Variants in AGMO observed in about 807,000 individuals in gnomAD.
AGMO encodes the protein alkylglycerol monooxygenase.
AGMO carries 75 observed loss-of-function variants against 60.2 expected under a neutral mutation model. The observed-to-expected ratio is 1.25, with a 90% CI of 1.03 to 1.51. AGMO has a LOEUF of 1.51. AGMO is among the 40% of genes most tolerant of loss of function. AGMO has a pLI of 0.00. For missense variants in AGMO, 763 were observed against 525.5 expected (o/e 1.45, Z -4.42); for synonymous variants, 261 against 177.1 (o/e 1.47, Z -3.76).
At chr7:15,267,604 T>C (rs1474225276) in intron 12 of AGMO, among the ~76,000 whole-genome samples, 6 of 152,018 alleles carry the variant, frequency 3.9e-5, no homozygotes, top group Non-Finnish European at 8.8e-5. Context: ...ACATCCATCT[T>C]TCCTTTGTGG....
At chr7:15,156,939 T>G in the AGMO span, among the ~76,000 whole-genome samples, 1 of 152,136 alleles carries the variant, frequency 6.6e-6, no homozygotes, top group Admixed American at 6.5e-5. Flanking sequence ...TCAAAGTTTC[T>G]ACTACAAAGT....
intron 12 of AGMO, among the ~76,000 whole-genome samples, chr7:15,292,794 G>A (rs781351593): frequency 1.0e-5 from 1 of 99,258 alleles, no homozygotes; most frequent in Non-Finnish European, 1.8e-5. Flanking sequence ...TCTCACTCTT[G>A]TCTCCCAAGC....
intron 3 of AGMO, among the ~76,000 whole-genome samples, chr7:15,458,914 C>T (rs1052117981): frequency 1.3e-5 from 2 of 152,152 alleles, no homozygotes; most frequent in African/African-American, 4.8e-5. Context: ...CTTCAGCTTA[C>T]ATTAGTTATT....
chr7:15,442,709 G>A (rs12699718), intron 3 of AGMO, among the ~76,000 whole-genome samples: 54,593 of 151,830 alleles, frequency 0.36, 11,133 homozygotes, highest in Non-Finnish European at 0.48. Context: ...AGACCTAGGT[G>A]AGGACAGGCA....
the AGMO span, among the ~76,000 whole-genome samples, chr7:15,187,763 G>A: frequency 6.6e-6 from 1 of 152,112 alleles, no homozygotes; most frequent in Non-Finnish European, 1.5e-5. Context: ...CACCATGCAA[G>A]TAGAGGGGAG....
chr7:15,135,157 TGAG>T, the AGMO span, among the ~76,000 whole-genome samples: 1 of 82,952 alleles, frequency 1.2e-5, no homozygotes. Context: ...TTTATTTATA[TGAG>T]TTTGTGTGTG....
At chr7:15,289,467 A>C (rs1379650271) in intron 12 of AGMO, among the ~76,000 whole-genome samples, 1 of 152,140 alleles carries the variant, frequency 6.6e-6, no homozygotes, top group Non-Finnish European at 1.5e-5. Flanking sequence ...TAACAGTATT[A>C]CAATAATGAC....
intron 3 of AGMO, among the ~76,000 whole-genome samples, chr7:15,540,318 T>C (rs1784592022): frequency 6.6e-6 from 1 of 152,188 alleles, no homozygotes; most frequent in African/African-American, 2.4e-5. Context: ...GTGTATGAGC[T>C]ACAGCTAGTT....
At chr7:15,557,075 A>G (rs1277661877) in intron 2 of AGMO, among the ~76,000 whole-genome samples, 2 of 152,018 alleles carry the variant, frequency 1.3e-5, no homozygotes, top group African/African-American at 4.8e-5. Context: ...TTCTATCAAC[A>G]TGGTAGGCAC....
rs780744922 is a variant in AGMO at position 15,387,398 on chromosome 7, CTATT to C, written c.957+4_957+7del. The C allele has an allele frequency of 1.2e-6, 2 of 1,612,936 alleles. No individual in the cohort carries two copies. Among genetic ancestry groups the C allele is most frequent in the African/African-American group, 1.3e-5 (1 of 74,962 alleles). On this transcript the variant is annotated splice_donor_5th_base_variant and intron_variant, in intron 9 of 12. Transcript: ENST00000342526. ...TTCACCATCTCCAATTCTGTGAACT[CTATT>C]TACCTCTGGAATTTCTTCACTGAGA...
At chr7:15,394,724 A>G (rs1784300105) in intron 5 of AGMO, among the ~76,000 whole-genome samples, 1 of 152,176 alleles carries the variant, frequency 6.6e-6, no homozygotes, top group South Asian at 2.1e-4. Context: ...CACCCTGTAA[A>G]TCAGCCATGC....
At chr7:15,358,488 A>G (rs1163298661) in intron 12 of AGMO, 1 of 466,832 alleles carries the variant, frequency 2.1e-6, no homozygotes, top group Non-Finnish European at 4.4e-6. Context: ...GTACTCCGTG[A>G]TTTCAGTCAG....
the AGMO span, among the ~76,000 whole-genome samples, chr7:15,189,466 C>T: frequency 6.6e-6 from 1 of 152,064 alleles, no homozygotes; most frequent in Non-Finnish European, 1.5e-5. Flanking sequence ...GCAACGAATG[C>T]TAGTGAGATA....
rs920380345 is a variant in AGMO, at chr7:15,445,529, C to G, written c.410-14421G>C. Among the ~76,000 whole-genome samples the G allele has an allele frequency of 2.0e-5, 3 of 152,102 alleles. 1 individual carries two copies. In the South Asian group the frequency reaches 6.2e-4, roughly 32 times the overall value. On this transcript the variant is annotated intron_variant, in intron 3 of 12. Transcript: ENST00000342526. ...CAGGATGCCACTACCAGAGCTACCTCATTTGCTCATAATTAAGCTTATCCC... is the reference window on the plus strand; with the variant it reads ...CAGGATGCCACTACCAGAGCTACCTGATTTGCTCATAATTAAGCTTATCCC...
At chr7:15,354,415 TGTGTATAC>T (rs1782406687) in intron 12 of AGMO, among the ~76,000 whole-genome samples, 1 of 23,092 alleles carries the variant, frequency 4.3e-5, no homozygotes, top group South Asian at 2.0e-3. Context: ...TACACACGTG[TGTGTATAC>T]ACACACGTGT....
In AGMO at chr7:15,241,130, C is replaced by T. The variant is rs1333166649; in HGVS notation, c.1264-39771G>A. 5.9e-5 allele frequency among the ~76,000 whole-genome samples: 9 copies of T among 152,000 alleles called. No individual in the cohort carries two copies. In the East Asian group the frequency reaches 1.6e-3, roughly 26 times the overall value. Reference sequence around the variant, plus strand: ...GAATATCCCAGAGATAGAATGCGCTCACTCTGGTAGGTATCAAGCCAACAT... The same window carrying T: ...GAATATCCCAGAGATAGAATGCGCTTACTCTGGTAGGTATCAAGCCAACAT... On this transcript the variant is annotated intron_variant, in intron 12 of 12. Transcript: ENST00000342526.
At chr7:15,533,925 A>G (rs1006744133) in intron 3 of AGMO, among the ~76,000 whole-genome samples, 4 of 152,136 alleles carry the variant, frequency 2.6e-5, no homozygotes, top group African/African-American at 9.6e-5. Context: ...AGCACAAGCT[A>G]TATATTGTGA....
At chr7:15,263,767 C>T (rs749274388) in intron 12 of AGMO, among the ~76,000 whole-genome samples, 1 of 152,076 alleles carries the variant, frequency 6.6e-6, no homozygotes, top group Non-Finnish European at 1.5e-5. Flanking sequence ...TTTTCAGGAA[C>T]CTGGATGGAA....
At chr7:15,457,330 C>T (rs1222883809) in intron 3 of AGMO, among the ~76,000 whole-genome samples, 1 of 152,126 alleles carries the variant, frequency 6.6e-6, no homozygotes, top group Non-Finnish European at 1.5e-5. Flanking sequence ...TGATTCAAAG[C>T]TATCCTGCAG....
Sources: gnomAD v4.1 joint callset for allele counts (sites outside exome capture counted in the v4.1 genomes callset) on GRCh38, gnomAD v4.1.1 for gene constraint, MANE v1.5 for transcripts, NCBI Gene and HGNC (gene_info 2026-07-23, HGNC 2026-07-21) for gene names.